The following ADAMTSL1 variants were observed in gnomAD, a reference collection of about 807,000 sequenced individuals.
ADAMTSL1 encodes ADAMTS-like protein 1.
In ADAMTSL1, 126 loss-of-function variants were observed where a neutral mutation model predicts 201.8. The observed-to-expected ratio is 0.62, with a 90% CI of 0.54 to 0.72. The LOEUF (loss-of-function observed/expected upper bound fraction) is 0.72, where lower values mean the gene tolerates loss of function less well. ADAMTSL1 is among the 30% of genes least tolerant of loss of function. The probability of loss-of-function intolerance (pLI) is 0.00; values close to 1 mark genes in which losing one functional copy is unlikely to be tolerated. For missense variants in ADAMTSL1, 2,679 were observed against 2,277.8 expected (o/e 1.18, Z -3.59); for synonymous variants, 1,121 against 903.4 (o/e 1.24, Z -4.32).
chr9:18,123,936 G>A (rs1825614750), intron 1 of ADAMTSL1, among the ~76,000 whole-genome samples: 1 of 152,084 alleles, frequency 6.6e-6, no homozygotes, highest in Non-Finnish European at 1.5e-5. Flanking sequence ...TTTCCAATTT[G>A]TCCACATTCT....
Position 18,537,591 on chromosome 9 carries a change from C to T in ADAMTSL1, c.237+4299C>T, listed in dbSNP as rs559463649. Among the ~76,000 whole-genome samples, 25 of 152,222 alleles carry T rather than the reference C, an allele frequency of 1.6e-4. No individual in the cohort carries two copies. In the South Asian group the frequency reaches 5.0e-3, roughly 30 times the overall value. ...GTACAAAAATTAGCTGCTGGATGGC[C>T]AGGCACCATGGCTCACACCTGTAAT... On this transcript the variant is annotated intron_variant, in intron 3 of 28. Coordinates refer to ENST00000380548, the MANE Select transcript of ADAMTSL1 (RefSeq NM_001040272.6).
chr9:18,868,065 T>C (rs1287670742), intron 23 of ADAMTSL1, among the ~76,000 whole-genome samples: 1 of 152,238 alleles, frequency 6.6e-6, no homozygotes, highest in Non-Finnish European at 1.5e-5. Context: ...TCTATTATTA[T>C]ATCTTGGATT....
At chr9:18,836,713 G>C (rs1825332619) in intron 23 of ADAMTSL1, among the ~76,000 whole-genome samples, 2 of 152,084 alleles carry the variant, frequency 1.3e-5, no homozygotes, top group African/African-American at 4.8e-5. Flanking sequence ...AATGATATTG[G>C]TTCTTCTAAT....
intron 2 of ADAMTSL1, among the ~76,000 whole-genome samples, chr9:18,287,303 G>A (rs138932189): frequency 6.6e-6 from 1 of 151,558 alleles, no homozygotes; most frequent in South Asian, 2.1e-4. Flanking sequence ...AAGTACATAC[G>A]TATATACATA....
chr9:18,841,041 C>G (rs937009892), intron 23 of ADAMTSL1, among the ~76,000 whole-genome samples: 5 of 144,698 alleles, frequency 3.5e-5, no homozygotes, highest in African/African-American at 1.3e-4. Flanking sequence ...CTTCTCCTGC[C>G]GAATTGCCCT....
intron 2 of ADAMTSL1, among the ~76,000 whole-genome samples, chr9:18,248,821 G>A (rs1443012974): frequency 6.6e-6 from 1 of 152,106 alleles, no homozygotes; most frequent in Non-Finnish European, 1.5e-5. Flanking sequence ...CTGAAAACAA[G>A]ATAGGATTAG....
chr9:18,577,228 G>A (rs1416871555), intron 4 of ADAMTSL1, among the ~76,000 whole-genome samples: 7 of 152,184 alleles, frequency 4.6e-5, no homozygotes, highest in African/African-American at 1.7e-4. Context: ...TCTCATGCCT[G>A]TAATCTGGGC....
chr9:18,060,138 C>T (rs1217693013), intron 1 of ADAMTSL1, among the ~76,000 whole-genome samples: 1 of 152,158 alleles, frequency 6.6e-6, no homozygotes, highest in Non-Finnish European at 1.5e-5. Context: ...CATACACACA[C>T]ATTCCACATA....
chr9:18,257,868 A>T (rs755739300), intron 2 of ADAMTSL1, among the ~76,000 whole-genome samples: 1 of 152,246 alleles, frequency 6.6e-6, no homozygotes, highest in Non-Finnish European at 1.5e-5. Context: ...TAAAATAAGG[A>T]CAAATACTAT....
chr9:17,951,073 G>C (rs1226579347), intron 1 of ADAMTSL1, among the ~76,000 whole-genome samples: 1 of 152,136 alleles, frequency 6.6e-6, no homozygotes, highest in Non-Finnish European at 1.5e-5. Flanking sequence ...CAAACACCTT[G>C]ATGGCATTCT....
chr9:18,122,385 T>G (rs1825538958), intron 1 of ADAMTSL1, among the ~76,000 whole-genome samples: 1 of 152,142 alleles, frequency 6.6e-6, no homozygotes, highest in African/African-American at 2.4e-5. Context: ...AAGAGTTTAA[T>G]ACGCTGAGGC....
At chr9:18,375,608 C>G (rs114624541) in intron 2 of ADAMTSL1, among the ~76,000 whole-genome samples, 1,826 of 152,282 alleles carry the variant, frequency 0.012, 35 homozygotes, top group African/African-American at 0.042. Flanking sequence ...TGTGGTCTCG[C>G]TGACTTCAGG....
At chr9:18,569,678 C>T (rs929842188) in intron 3 of ADAMTSL1, among the ~76,000 whole-genome samples, 1 of 152,144 alleles carries the variant, frequency 6.6e-6, no homozygotes, top group Non-Finnish European at 1.5e-5. Context: ...GAATGGAATG[C>T]ATTTGGTCCA....
intron 20 of ADAMTSL1, among the ~76,000 whole-genome samples, chr9:18,814,843 T>C (rs909662759): frequency 4.6e-5 from 7 of 152,176 alleles, no homozygotes; most frequent in African/African-American, 1.4e-4. Context: ...GTTACCTATG[T>C]AACAACCCTG....
chr9:18,259,810 T>C (rs1831845919), intron 2 of ADAMTSL1, among the ~76,000 whole-genome samples: 1 of 152,164 alleles, frequency 6.6e-6, no homozygotes, highest in Non-Finnish European at 1.5e-5. Flanking sequence ...CATTGTGTTA[T>C]TTTTATTCCT....
At chr9:18,720,982 T>G (rs1209544768) in intron 14 of ADAMTSL1, among the ~76,000 whole-genome samples, 1 of 152,088 alleles carries the variant, frequency 6.6e-6, no homozygotes, top group Non-Finnish European at 1.5e-5. Context: ...TGTTCCAACT[T>G]CCAAGGCTGC....
intron 1 of ADAMTSL1, among the ~76,000 whole-genome samples, chr9:18,105,875 C>G (rs917719039): frequency 2.6e-5 from 4 of 152,188 alleles, no homozygotes; most frequent in Non-Finnish European, 4.4e-5. Context: ...GCCCACTGCA[C>G]CATGTCAGGG....
chr9:18,041,210 C>A (rs973921633), intron 1 of ADAMTSL1, among the ~76,000 whole-genome samples: 2 of 152,278 alleles, frequency 1.3e-5, no homozygotes, highest in East Asian at 3.9e-4. Flanking sequence ...CTCTGTAAAG[C>A]CTGCCCTGTC....
At chr9:18,766,965 A>G (rs1017554715) in intron 16 of ADAMTSL1, among the ~76,000 whole-genome samples, 38 of 152,156 alleles carry the variant, frequency 2.5e-4, no homozygotes, top group African/African-American at 8.7e-4. Flanking sequence ...AGTATAGCTT[A>G]TATGTTTTGT....
Sources: allele counts gnomAD v4.1 joint callset (sites outside exome capture counted in the v4.1 genomes callset), GRCh38; gene constraint gnomAD v4.1.1; transcripts MANE v1.5; gene names NCBI Gene and HGNC (gene_info 2026-07-23, HGNC 2026-07-21).